The following KIRREL3 variants were observed in gnomAD, a reference collection of about 807,000 sequenced individuals.
The protein encoded by KIRREL3 is kin of IRRE-like protein 3.
KIRREL3 carries 36 observed loss-of-function variants against 89.7 expected under a neutral mutation model. The observed-to-expected ratio is 0.40, with a 90% CI of 0.31 to 0.53. The LOEUF (loss-of-function observed/expected upper bound fraction) is 0.53, where lower values mean the gene tolerates loss of function less well. KIRREL3 is among the 20% of genes least tolerant of loss of function. KIRREL3 has a pLI of 0.49. For missense variants in KIRREL3, 864 were observed against 1,056.6 expected, an observed-to-expected ratio of 0.82 and a Z score of 2.53; for synonymous variants, 445 against 441.4, an observed-to-expected ratio of 1.01 and a Z score of -0.10.
Position 126,783,958 on chromosome 11 carries a change from C to A in KIRREL3, c.55+216497G>T, listed in dbSNP as rs1485497871. On this transcript the variant is annotated intron_variant, in intron 1 of 16. Transcript: ENST00000525144. The surrounding 1 kb of genome is among the most constrained non-coding windows in gnomAD (Gnocchi z 4.3). ...AGGATACGATGGAAACAGCACTTGT[C>A]TTTGTGGTCTTCCCCCTCGACCTCA... Among the ~76,000 whole-genome samples, 2 of 152,210 alleles carry A rather than the reference C, an allele frequency of 1.3e-5. No homozygotes were observed. Among genetic ancestry groups the A allele is most frequent in the African/African-American group, 4.8e-5 (2 of 41,458 alleles).
In KIRREL3 at chr11:126,656,160, C is replaced by A. The variant is rs1945127257; in HGVS notation, c.56-93248G>T. 2.2e-6 allele frequency: 1 copy of A among 455,964 alleles called. No individual in the cohort carries two copies. Among genetic ancestry groups the A allele is most frequent in the African/African-American group, 2.0e-5 (1 of 50,002 alleles). The allele number at this position is 455,964 out of a possible 1,614,324, so 28.2% of individuals were successfully genotyped here. On this transcript the variant is annotated intron_variant, in intron 1 of 16. Transcript: ENST00000525144. The surrounding 1 kb of genome is among the most constrained non-coding windows in gnomAD (Gnocchi z 4.0). ...CCAGCAACACAGATGTTCCCAGGAG[C>A]AATGTTTGCAGGTGAGTGAGGTCAG...
chr11:126,634,358 T>C (rs1205924820), intron 1 of KIRREL3, among the ~76,000 whole-genome samples: 2 of 152,228 alleles, frequency 1.3e-5, no homozygotes, highest in Non-Finnish European at 2.9e-5. Context: ...GGTGCCATTG[T>C]TCCCTGTATT....
At chr11:126,839,369 T>C (rs1340537930) in intron 1 of KIRREL3, among the ~76,000 whole-genome samples, 1 of 152,094 alleles carries the variant, frequency 6.6e-6, no homozygotes, top group African/African-American at 2.4e-5. Context: ...TGGATGAAGA[T>C]TATTAGTTGA....
At position 126,870,184 on chromosome 11, in the gene KIRREL3, T is replaced by C. The variant is rs956662561; in HGVS notation, c.55+130271A>G. 6.6e-6 allele frequency among the ~76,000 whole-genome samples: 1 copy of C among 152,124 alleles called. No homozygotes were observed. Among genetic ancestry groups the C allele is most frequent in the Non-Finnish European group, 1.5e-5 (1 of 68,024 alleles). On this transcript the variant is annotated intron_variant, in intron 1 of 16. Transcript: ENST00000525144. The surrounding 1 kb of genome is among the most constrained non-coding windows in gnomAD (Gnocchi z 4.4). ...AGGGTCGTATGTCCTGGGGCAGGGC[T>C]CCCTGTTCACGGTCTAAAGCCACAT... is the stretch of plus-strand genomic sequence containing the variant.
rs909195241 is a variant in KIRREL3 at position 126,495,486 on chromosome 11, G to C, written c.434-22020C>G. On this transcript the variant is annotated intron_variant, in intron 4 of 16. Transcript: ENST00000525144. The surrounding 1 kb of genome is among the most constrained non-coding windows in gnomAD (Gnocchi z 6.5). ...TCGTCTCCGCTCATCCTTGCTGGCC[G>C]GGTTTCTGGTTGTGGCTGTTGTGTG... 6.6e-6 allele frequency among the ~76,000 whole-genome samples: 1 copy of C among 152,146 alleles called. No individual in the cohort carries two copies. Among genetic ancestry groups the C allele is most frequent in the Non-Finnish European group, 1.5e-5 (1 of 68,032 alleles).
At position 126,608,319 on chromosome 11, in the gene KIRREL3, A is replaced by G. The variant is rs1358021822; in HGVS notation, c.56-45407T>C. Among the ~76,000 whole-genome samples the G allele has an allele frequency of 6.6e-6, 1 of 152,264 alleles. No individual in the cohort carries two copies. The highest frequency in any genetic ancestry group is 1.5e-5 in the Non-Finnish European group (1 of 68,010). ...AATAACAGCAGCATTTGTGAAATCTAATTAGTGCAGGCCCAACTTCTGACT... is the reference window on the plus strand; with the variant it reads ...AATAACAGCAGCATTTGTGAAATCTGATTAGTGCAGGCCCAACTTCTGACT... On this transcript the variant is annotated intron_variant, in intron 1 of 16. Transcript: ENST00000525144. This position sits in a 1 kb window ranked among gnomAD's most constrained non-coding sequence, Gnocchi z 4.9.
At chr11:126,590,427 T>A (rs572573876) in intron 1 of KIRREL3, among the ~76,000 whole-genome samples, 1 of 152,274 alleles carries the variant, frequency 6.6e-6, no homozygotes, top group African/African-American at 2.4e-5. Context: ...AATCCCTAAG[T>A]CTTCTAGAAA....
rs1411382709 is a variant in KIRREL3, at chr11:126,896,946, T to C, written c.55+103509A>G. Among the ~76,000 whole-genome samples the C allele has an allele frequency of 6.6e-6, 1 of 152,166 alleles. No individual in the cohort carries two copies. Among genetic ancestry groups the C allele is most frequent in the Non-Finnish European group, 1.5e-5 (1 of 68,038 alleles). ...CTTGATATTTCTGGCTCCTTTCTTTTGTTACTCTAAGACTTTGCAGAATCA... is the reference window on the plus strand; with the variant it reads ...CTTGATATTTCTGGCTCCTTTCTTTCGTTACTCTAAGACTTTGCAGAATCA... On this transcript the variant is annotated intron_variant, in intron 1 of 16. Transcript: ENST00000525144. This position sits in a 1 kb window ranked among gnomAD's most constrained non-coding sequence, Gnocchi z 4.1.
chr11:126,574,643 A>G lies in KIRREL3; in HGVS notation c.56-11731T>C, dbSNP rs1212171484. 6.6e-6 allele frequency among the ~76,000 whole-genome samples: 1 copy of G among 152,156 alleles called. No individual in the cohort carries two copies. The highest frequency in any genetic ancestry group is 1.5e-5 in the Non-Finnish European group (1 of 68,048). The stretch of plus-strand genomic sequence containing the variant: ...TTATCCAATCTAGCAGCCCCACCAG[A>G]GCAAAGGACGAGGGTGGCTGGGATA... On this transcript the variant is annotated intron_variant, in intron 1 of 16. Coordinates refer to ENST00000525144, the MANE Select transcript of KIRREL3 (RefSeq NM_032531.4). The surrounding 1 kb of genome is among the most constrained non-coding windows in gnomAD (Gnocchi z 5.3).
intron 1 of KIRREL3, among the ~76,000 whole-genome samples, chr11:126,938,466 T>C (rs899812384): frequency 6.6e-6 from 1 of 152,192 alleles, no homozygotes; most frequent in African/African-American, 2.4e-5. Flanking sequence ...CAAGATCACA[T>C]AGGTAGTAAG....
chr11:126,658,271 G>A (rs1451590770), intron 1 of KIRREL3, among the ~76,000 whole-genome samples: 2 of 152,160 alleles, frequency 1.3e-5, no homozygotes, highest in Non-Finnish European at 2.9e-5. Context: ...AGCTTTGAGG[G>A]AATGGTTATT....
At chr11:126,800,013 T>C (rs79259447) in intron 1 of KIRREL3, among the ~76,000 whole-genome samples, 2,731 of 152,268 alleles carry the variant, frequency 0.018, 91 homozygotes, top group African/African-American at 0.063. Flanking sequence ...TCTCTGTGGG[T>C]GGGGCTCTGA....
Position 126,954,203 on chromosome 11 carries a change from G to A in KIRREL3, c.55+46252C>T, listed in dbSNP as rs748169754. Among the ~76,000 whole-genome samples, 9 of 151,470 alleles carry A rather than the reference G, an allele frequency of 5.9e-5. 1 individual carries two copies. The highest frequency in any genetic ancestry group is 1.2e-4 in the Non-Finnish European group (8 of 67,946). On this transcript the variant is annotated intron_variant, in intron 1 of 16. Coordinates refer to ENST00000525144, the MANE Select transcript of KIRREL3 (RefSeq NM_032531.4). The surrounding 1 kb of genome is among the most constrained non-coding windows in gnomAD (Gnocchi z 4.1). Reference sequence around the variant, plus strand: ...ATAGGTAAGTACTGGAGGATGTAGCGTTAGCTGCTGCCTGGACTCAAGGAT... The same window carrying A: ...ATAGGTAAGTACTGGAGGATGTAGCATTAGCTGCTGCCTGGACTCAAGGAT...
At position 126,571,103 on chromosome 11, in the gene KIRREL3, G is replaced by A. The variant is rs1376770179; in HGVS notation, c.56-8191C>T. On this transcript the variant is annotated intron_variant, in intron 1 of 16. Coordinates refer to ENST00000525144, the MANE Select transcript of KIRREL3 (RefSeq NM_032531.4). This position sits in a 1 kb window ranked among gnomAD's most constrained non-coding sequence, Gnocchi z 7.7. Reference sequence around the variant, plus strand: ...CCATGTTGGTGCTTGTTGGTGCGTCGTGCCATGCTCTGTCTCCATTCTCTG... The same window carrying A: ...CCATGTTGGTGCTTGTTGGTGCGTCATGCCATGCTCTGTCTCCATTCTCTG... Among the ~76,000 whole-genome samples the A allele has an allele frequency of 6.6e-6, 1 of 152,188 alleles. No homozygotes were observed. Among genetic ancestry groups the A allele is most frequent in the Non-Finnish European group, 1.5e-5 (1 of 68,030 alleles).
At chr11:126,873,185 T>C (rs915562010) in intron 1 of KIRREL3, among the ~76,000 whole-genome samples, 2 of 152,204 alleles carry the variant, frequency 1.3e-5, no homozygotes, top group African/African-American at 4.8e-5. Context: ...CAAGAATGTA[T>C]TTTAAAAGTA....
Position 126,917,190 on chromosome 11 carries a change from T to G in KIRREL3, c.55+83265A>C, listed in dbSNP as rs562601284. ...CTTGAAAATATTATGCTAAATCAAA[T>G]GAACCAGACACAGAAGGATATATAT... On this transcript the variant is annotated intron_variant, in intron 1 of 16. Coordinates refer to ENST00000525144, the MANE Select transcript of KIRREL3 (RefSeq NM_032531.4). The surrounding 1 kb of genome is among the most constrained non-coding windows in gnomAD (Gnocchi z 5.0). 3.8e-3 allele frequency among the ~76,000 whole-genome samples: 580 copies of G among 152,294 alleles called. 3 individuals are homozygous for G. The highest frequency in any genetic ancestry group is 0.01 in the Middle Eastern group (3 of 294).
chr11:126,537,731 C>G lies in KIRREL3; in HGVS notation c.134-11044G>C, dbSNP rs909657146. On this transcript the variant is annotated intron_variant, in intron 2 of 16. Coordinates refer to ENST00000525144, the MANE Select transcript of KIRREL3 (RefSeq NM_032531.4). This position sits in a 1 kb window ranked among gnomAD's most constrained non-coding sequence, Gnocchi z 4.3. The stretch of plus-strand genomic sequence containing the variant: ...CCCTATCTGAAAAATGGGGATGACA[C>G]GCCTCCCTGGCAAAGCTGCTGTGAG... 6.6e-6 allele frequency among the ~76,000 whole-genome samples: 1 copy of G among 152,162 alleles called. No homozygotes were observed. The highest frequency in any genetic ancestry group is 1.5e-5 in the Non-Finnish European group (1 of 68,028).
chr11:126,462,278 C>T lies in KIRREL3; in HGVS notation c.742+879G>A, dbSNP rs1473354199. ...GGGTGGACTCTGGAAATCTATGCTA[C>T]CTAAGTGGTCTTGGGCAAGTTAATC... On this transcript the variant is annotated intron_variant, in intron 6 of 16. Transcript: ENST00000525144. The surrounding 1 kb of genome is among the most constrained non-coding windows in gnomAD (Gnocchi z 4.8). Among the ~76,000 whole-genome samples the T allele has an allele frequency of 6.6e-6, 1 of 152,086 alleles. No individual in the cohort carries two copies. The highest frequency in any genetic ancestry group is 1.5e-5 in the Non-Finnish European group (1 of 68,010).
chr11:126,513,192 T>C lies in KIRREL3; in HGVS notation c.433+8123A>G, dbSNP rs943227904. On this transcript the variant is annotated intron_variant, in intron 4 of 16. Transcript: ENST00000525144. This position sits in a 1 kb window ranked among gnomAD's most constrained non-coding sequence, Gnocchi z 5.9. ...AACCCCTACCATAAGCAGTAGACCATGAGTGGGCTCCTAAGAACCTCCCCA... is the reference window on the plus strand; with the variant it reads ...AACCCCTACCATAAGCAGTAGACCACGAGTGGGCTCCTAAGAACCTCCCCA... Among the ~76,000 whole-genome samples the C allele has an allele frequency of 6.6e-6, 1 of 152,104 alleles. No homozygotes were observed. Among genetic ancestry groups the C allele is most frequent in the African/African-American group, 2.4e-5 (1 of 41,410 alleles).
Sources: gnomAD v4.1 joint callset for allele counts (sites outside exome capture counted in the v4.1 genomes callset) on GRCh38, gnomAD v4.1.1 for gene constraint, Gnocchi (gnomAD v3.1) non-coding constraint, MANE v1.5 for transcripts, NCBI Gene and HGNC (gene_info 2026-07-23, HGNC 2026-07-21) for gene names.